Variants in EIF4E observed in about 807,000 individuals in gnomAD.
The protein encoded by EIF4E is eukaryotic translation initiation factor 4E.
For missense variants in EIF4E, 113 were observed against 265.6 expected, an observed-to-expected ratio of 0.43 and a Z score of 3.99; for synonymous variants, 71 against 88.5, an observed-to-expected ratio of 0.80 and a Z score of 1.11.
intron 2 of EIF4E, 190 bp from the exon 3 acceptor site, chr4:98,891,522 A>T: frequency 1.6e-6 from 1 of 606,578 alleles, no homozygotes; most frequent in Non-Finnish European, 2.9e-6. Context: ...ATAAAACATG[A>T]GGGGAAGCTA....
chr4:98,885,470 C>T (rs1723877966), intron 5 of EIF4E, among the ~76,000 whole-genome samples: 1 of 152,000 alleles, frequency 6.6e-6, no homozygotes, highest in South Asian at 2.1e-4. Context: ...TTGTTTGAGA[C>T]AGGGTCTTGC....
chr4:98,901,213 T>C (rs899383023), intron 2 of EIF4E, among the ~76,000 whole-genome samples: 1 of 151,972 alleles, frequency 6.6e-6, no homozygotes, highest in African/African-American at 2.4e-5. Flanking sequence ...TTTTTTTTTT[T>C]TGAGATGGAG....
chr4:98,905,572 T>C (rs1332989645), intron 1 of EIF4E, among the ~76,000 whole-genome samples: 1 of 152,130 alleles, frequency 6.6e-6, no homozygotes, highest in Non-Finnish European at 1.5e-5. Flanking sequence ...AAGTGTACCT[T>C]TCATCTTGGG....
At chr4:98,891,894 T>G (rs150268018) in intron 2 of EIF4E, among the ~76,000 whole-genome samples, 3 of 152,194 alleles carry the variant, frequency 2.0e-5, no homozygotes, top group Non-Finnish European at 4.4e-5. Context: ...TTAAAAGATA[T>G]GTATGTTATG....
At chr4:98,899,431 G>A (rs1376155053) in intron 2 of EIF4E, among the ~76,000 whole-genome samples, 1 of 152,148 alleles carries the variant, frequency 6.6e-6, no homozygotes, top group Non-Finnish European at 1.5e-5. Flanking sequence ...CTAATCACAT[G>A]AGTTAGCAAG....
chr4:98,919,263 C>T (rs1000537709), intron 1 of EIF4E, among the ~76,000 whole-genome samples: 10 of 151,160 alleles, frequency 6.6e-5, no homozygotes, highest in African/African-American at 2.2e-4. Flanking sequence ...CGAGATCGTG[C>T]CACTGCACTC....
chr4:98,900,353 C>T (rs1724594228), intron 2 of EIF4E, among the ~76,000 whole-genome samples: 2 of 152,184 alleles, frequency 1.3e-5, no homozygotes, highest in Admixed American at 1.3e-4. Context: ...TGATTTGTTC[C>T]TCACTGGAGG....
chr4:98,922,574 TA>T (rs1725693817), intron 1 of EIF4E, among the ~76,000 whole-genome samples: 1 of 147,144 alleles, frequency 6.8e-6, no homozygotes, highest in Non-Finnish European at 1.5e-5. Context: ...AAAAAAGAAA[TA>T]AATGAGTTAA....
At chr4:98,897,050 T>C (rs1281549668) in intron 2 of EIF4E, among the ~76,000 whole-genome samples, 2 of 152,230 alleles carry the variant, frequency 1.3e-5, no homozygotes, top group Non-Finnish European at 2.9e-5. Context: ...GTTCTCAAAA[T>C]GTGGTCTGCA....
intron 1 of EIF4E, among the ~76,000 whole-genome samples, chr4:98,912,571 T>G (rs1424066273): frequency 6.7e-6 from 1 of 149,188 alleles, no homozygotes; most frequent in African/African-American, 2.5e-5. Flanking sequence ...AGACTCCATC[T>G]CAAAAAAAAA....
intron 1 of EIF4E, among the ~76,000 whole-genome samples, chr4:98,910,737 T>C (rs1725088584): frequency 6.6e-6 from 1 of 151,766 alleles, no homozygotes; most frequent in South Asian, 2.1e-4. Flanking sequence ...ATGGATTCTT[T>C]TTTTTTTTTT....
chr4:98,923,479 A>G (rs766893922), intron 1 of EIF4E, among the ~76,000 whole-genome samples: 115 of 151,832 alleles, frequency 7.6e-4, no homozygotes, highest in Non-Finnish European at 1.3e-3. Context: ...TATTCAGCTA[A>G]TTTTTTAATT....
At chr4:98,927,654 CAAAAAAAAAAA>C (rs774720176) in intron 1 of EIF4E, among the ~76,000 whole-genome samples, 125 of 35,102 alleles carry the variant, frequency 3.6e-3, no homozygotes, top group South Asian at 6.4e-3. Context: ...GACTCCATCT[CAAAAAAAAAAA>C]AAAAAAAAAA....
intron 2 of EIF4E, chr4:98,891,667 T>A (rs969594322): frequency 3.8e-6 from 1 of 265,432 alleles, no homozygotes; most frequent in African/African-American, 2.3e-5. Flanking sequence ...GAGAAGGGAG[T>A]TTAGGGTTAT....
At chr4:98,921,998 G>A (rs1360929011) in intron 1 of EIF4E, among the ~76,000 whole-genome samples, 3 of 152,114 alleles carry the variant, frequency 2.0e-5, no homozygotes, top group Non-Finnish European at 2.9e-5. Flanking sequence ...ATCTAACATT[G>A]TAATATAACA....
intron 5 of EIF4E, among the ~76,000 whole-genome samples, chr4:98,886,114 T>A (rs1393524182): frequency 6.6e-6 from 1 of 152,026 alleles, no homozygotes; most frequent in Non-Finnish European, 1.5e-5. Context: ...CCCACTGCAC[T>A]CTAGCCTGGG....
chr4:98,881,213 A>C lies in EIF4E; in HGVS notation c.540-71T>G, dbSNP rs79710293. On this transcript the variant is annotated intron_variant, in intron 6 of 6. Transcript: ENST00000450253. ...TTACTCACAAGAAATACATTTAAAA[A>C]TTTAGGGTTATTAGTCTTTATATTA... 1.6e-3 allele frequency: 2,525 copies of C among 1,544,382 alleles called. 36 individuals carry two copies. The African/African-American group carries it at 0.032, about 19-fold the overall frequency.
At position 98,885,058 on chromosome 4, in the gene EIF4E, G is replaced by A; in HGVS notation, c.403C>T (p.Leu135=). The change falls in exon 6 of 7, where the codon CTG becomes TTG. Residue 135 remains leucine (L), a synonymous_variant. Transcript: ENST00000450253. ...DLDRFWLETL[L]CLIGESFDDY... The stretch of plus-strand genomic sequence containing the variant: ...TCAAAAGATTCTCCAATAAGGCACA[G>A]AAGCTTAAAAAAAAATCCCAAATTA... 11 of 1,611,778 alleles carry A rather than the reference G, an allele frequency of 6.8e-6. No individual in the cohort carries two copies. The highest frequency in any genetic ancestry group is 9.3e-6 in the Non-Finnish European group (11 of 1,178,746).
In EIF4E at chr4:98,881,542, T is replaced by A. The variant is rs189049008; in HGVS notation, c.540-400A>T. Among the ~76,000 whole-genome samples, 433 of 152,152 alleles carry A rather than the reference T, an allele frequency of 2.8e-3. 4 individuals carry two copies. Among genetic ancestry groups the A allele is most frequent in the African/African-American group, 1.0e-2 (413 of 41,486 alleles). On this transcript the variant is annotated intron_variant, in intron 6 of 6. Transcript: ENST00000450253. ...ATCACAAATACATGACAGACCTGTA[T>A]CACATGCATACTTAAAAACAGAAAT...
Sources: gnomAD v4.1 joint callset for allele counts (sites outside exome capture counted in the v4.1 genomes callset) on GRCh38, gnomAD v4.1.1 for gene constraint, MANE v1.5 for transcripts, NCBI Gene and HGNC (gene_info 2026-07-23, HGNC 2026-07-21) for gene names.